The following SDAD1 variants were observed in gnomAD, a reference collection of about 807,000 sequenced individuals.
SDAD1 encodes SDA1 domain containing 1, also known as protein SDA1 homolog.
Under a neutral mutation model 100.3 loss-of-function variants are expected in SDAD1, and 79 were observed. That is an observed-to-expected ratio of 0.79 (90% CI 0.66 to 0.95). The LOEUF is 0.95. SDAD1 is among the 40% of genes least tolerant of loss of function. SDAD1 has a pLI of 0.00. For missense variants in SDAD1, 790 were observed against 810.9 expected (o/e 0.97, Z 0.31); for synonymous variants, 267 against 271.4 (o/e 0.98, Z 0.16).
intron 21 of SDAD1, among the ~76,000 whole-genome samples, chr4:75,953,374 C>G (rs1445452033): frequency 1.3e-5 from 2 of 152,148 alleles, no homozygotes; most frequent in African/African-American, 4.8e-5. Context: ...TGAAACAAGG[C>G]CTACCAACAG....
chr4:75,978,632 G>T (rs551867731), intron 3 of SDAD1, among the ~76,000 whole-genome samples: 6 of 152,144 alleles, frequency 3.9e-5, no homozygotes, highest in African/African-American at 1.4e-4. Context: ...AGGAAAAACG[G>T]TAAGAATGAA....
intron 17 of SDAD1, 42 bp from the exon 18 acceptor site, chr4:75,957,983 C>T (rs1455184202): frequency 4.8e-6 from 7 of 1,470,530 alleles, no homozygotes; most frequent in Non-Finnish European, 5.7e-6. Flanking sequence ...TTTTATGTTG[C>T]ACATTCAACA....
At chr4:75,987,493 G>T (rs529286411) in intron 1 of SDAD1, among the ~76,000 whole-genome samples, 8 of 151,882 alleles carry the variant, frequency 5.3e-5, no homozygotes, top group Non-Finnish European at 1.2e-4. Flanking sequence ...CATCCATGTC[G>T]CTAATTTTTT....
Position 75,962,490 on chromosome 4 carries a change from G to A in SDAD1, c.1182-1182C>T, listed in dbSNP as rs571085597. 3.3e-5 allele frequency among the ~76,000 whole-genome samples: 5 copies of A among 152,282 alleles called. No homozygotes were observed. The East Asian group carries it at 9.7e-4, about 29-fold the overall frequency. On this transcript the variant is annotated intron_variant, in intron 14 of 21. Coordinates refer to ENST00000356260, the MANE Select transcript of SDAD1 (RefSeq NM_018115.4). ...AATAGCCACACTGTCTTCCACAATG[G>A]TTGAACTAGTTTACAGTCCCATCAA...
intron 2 of SDAD1, 74 bp from the exon 3 acceptor site, chr4:75,981,544 T>C: frequency 6.3e-7 from 1 of 1,599,696 alleles, no homozygotes; most frequent in Non-Finnish European, 8.5e-7. Context: ...ATTTAGGATG[T>C]TCTGCAAAAC....
chr4:75,967,336 T>C lies in SDAD1; in HGVS notation c.988-2A>G, dbSNP rs1729605633. Reference sequence around the variant, plus strand: ...GGGATAGAAATTGAAGAGGAAAAGCTGTGGAGAGAAAACCGACTTTAATAC... The same window carrying C: ...GGGATAGAAATTGAAGAGGAAAAGCCGTGGAGAGAAAACCGACTTTAATAC... On this transcript the variant is annotated splice_acceptor_variant, in intron 11 of 21. Coordinates refer to ENST00000356260, the MANE Select transcript of SDAD1 (RefSeq NM_018115.4). LOFTEE classifies it high-confidence loss of function. 6.2e-7 allele frequency: 1 copy of C among 1,613,958 alleles called. No individual in the cohort carries two copies. Among genetic ancestry groups the C allele is most frequent in the Non-Finnish European group, 8.5e-7 (1 of 1,179,910 alleles).
At chr4:75,972,341 C>G (rs1729914270) in intron 8 of SDAD1, among the ~76,000 whole-genome samples, 1 of 151,356 alleles carries the variant, frequency 6.6e-6, no homozygotes, top group African/African-American at 2.4e-5. Context: ...TGCTACTGCT[C>G]ACTCTTTAGG....
At chr4:75,979,060 T>C (rs2904111) in intron 3 of SDAD1, among the ~76,000 whole-genome samples, 2 of 144,504 alleles carry the variant, frequency 1.4e-5, no homozygotes, top group East Asian at 4.2e-4. Flanking sequence ...GGCAAGGTGG[T>C]GACAATCTGA....
At chr4:75,952,817 A>G (rs1728688375) in intron 21 of SDAD1, among the ~76,000 whole-genome samples, 1 of 152,260 alleles carries the variant, frequency 6.6e-6, no homozygotes. Flanking sequence ...CAATTAGCTC[A>G]GAAACAAAAA....
chr4:75,962,167 C>T lies in SDAD1; in HGVS notation c.1182-859G>A, dbSNP rs560170620. Among the ~76,000 whole-genome samples the T allele has an allele frequency of 1.6e-4, 25 of 152,216 alleles. No homozygotes were observed. The East Asian group carries it at 3.1e-3, about 19-fold the overall frequency. On this transcript the variant is annotated intron_variant, in intron 14 of 21. Transcript: ENST00000356260. ...TGTGGTGTTTGGTTTTCTGTCCTTGCGATAGTTTGCTAAGAATGATGGTTT... is the reference window on the plus strand; with the variant it reads ...TGTGGTGTTTGGTTTTCTGTCCTTGTGATAGTTTGCTAAGAATGATGGTTT...
At chr4:75,969,480 ATAGT>A in intron 10 of SDAD1, 81 bp from the exon 11 acceptor site, 2 of 893,420 alleles carry the variant, frequency 2.2e-6, no homozygotes, top group Non-Finnish European at 3.6e-6. Context: ...GGAAAAGACA[ATAGT>A]TAGATCAGTG....
At chr4:75,959,110 AAAAAAAAAAAAAAAAAAACCT>A (rs1197606736) in intron 17 of SDAD1, among the ~76,000 whole-genome samples, 1 of 145,320 alleles carries the variant, frequency 6.9e-6, no homozygotes, top group Non-Finnish European at 1.5e-5. Context: ...AAAAAAAAAA[AAAAAAAAAAAAAAAAAAACCT>A]AAAAAAAAAC....
Position 75,965,769 on chromosome 4 carries a change from G to C in SDAD1, c.1099C>G (p.Pro367Ala). 6.2e-7 allele frequency: 1 copy of C among 1,613,036 alleles called. No individual in the cohort carries two copies. The highest frequency in any genetic ancestry group is 8.5e-7 in the Non-Finnish European group (1 of 1,179,148). ...GTCAGGTTACAGGTTCTCACCTCTG[G>C]GGGTACTAGGTGATGAGATGCTTGT... is the stretch of plus-strand genomic sequence containing the variant. The part of the protein sequence containing the change: ...AAQASHHLVP[P>A]EIIQSLLMTV... The change falls in exon 13 of 22, where the codon CCA becomes GCA. Residue 367 changes from proline (P) to alanine (A), a missense_variant. By Grantham distance (27) the Pro-to-Ala change is conservative. Transcript: ENST00000356260.
chr4:75,962,657 A>G (rs1046005156), intron 14 of SDAD1, among the ~76,000 whole-genome samples: 1 of 152,190 alleles, frequency 6.6e-6, no homozygotes, highest in Admixed American at 6.5e-5. Context: ...CAGTGATGAT[A>G]AGCATTTTTT....
intron 12 of SDAD1, 100 bp downstream of exon 12, chr4:75,967,177 G>T (rs988111686): frequency 4.6e-6 from 5 of 1,098,672 alleles, no homozygotes; most frequent in South Asian, 1.3e-5. Context: ...CTAATGTAGA[G>T]CACACTGCAC....
chr4:75,970,364 C>A lies in SDAD1; in HGVS notation c.828G>T (p.Lys276Asn), dbSNP rs1729797942. 2 of 1,613,046 alleles carry A rather than the reference C, an allele frequency of 1.2e-6. No individual in the cohort carries two copies. The highest frequency in any genetic ancestry group is 2.2e-5 in the South Asian group (2 of 91,056). Residue 276 changes from lysine to asparagine, a missense_variant, in exon 10 of 22, where the codon AAG becomes AAT. By Grantham distance (94) the Lys-to-Asn change is moderately conservative. Coordinates refer to ENST00000356260, the MANE Select transcript of SDAD1 (RefSeq NM_018115.4). ...AAAAGTTAAACACCTCTGGTTTTTTCTTCTTTTTTTGTTTCTGAAAGGGAG... is the reference window on the plus strand; with the variant it reads ...AAAAGTTAAACACCTCTGGTTTTTTATTCTTTTTTTGTTTCTGAAAGGGAG... Reference protein sequence around the residue: ...AMKVLKKQKKKKKPEVFNFSA... With the variant: ...AMKVLKKQKKNKKPEVFNFSA...
chr4:75,973,290 T>C (rs1729967438), intron 8 of SDAD1, 27 bp downstream of exon 8: 1 of 1,574,258 alleles, frequency 6.4e-7, no homozygotes, highest in East Asian at 2.2e-5. Context: ...AAAGGTAAGA[T>C]TCAGAAGCAG....
At chr4:75,980,363 A>G (rs1247661034) in intron 3 of SDAD1, among the ~76,000 whole-genome samples, 3 of 152,244 alleles carry the variant, frequency 2.0e-5, no homozygotes, top group African/African-American at 7.2e-5. Context: ...AAAACCTGAG[A>G]AAGTCTAAAA....
intron 20 of SDAD1, among the ~76,000 whole-genome samples, chr4:75,956,408 T>TTTTTTTTTTG (rs1728898107): frequency 1.8e-4 from 2 of 11,110 alleles, no homozygotes; most frequent in Non-Finnish European, 2.8e-3. Flanking sequence ...TTTTTTTTTG[T>TTTTTTTTTTG]TTTTTTTTTT....
Sources: gnomAD v4.1 joint callset for allele counts (sites outside exome capture counted in the v4.1 genomes callset) on GRCh38, gnomAD v4.1.1 for gene constraint, MANE v1.5 for transcripts, NCBI Gene and HGNC (gene_info 2026-07-23, HGNC 2026-07-21) for gene names.